LY9: variants seen among roughly 807,000 people sequenced by gnomAD.
The protein encoded by LY9 is lymphocyte antigen 9.
A neutral mutation model predicts 64.6 loss-of-function variants in LY9; 59 were observed. The ratio of observed to expected loss-of-function variants is 0.91; its 90% confidence interval spans 0.74 to 1.13. The LOEUF (loss-of-function observed/expected upper bound fraction) is 1.13, where lower values mean the gene tolerates loss of function less well. Among genes scored for constraint, LY9 ranks in the 50% most tolerant of loss-of-function variants. The pLI is 0.00. For synonymous variants in LY9, 281 were observed against 308.5 expected (o/e 0.91, Z 0.93); for missense variants, 789 against 797.2 (o/e 0.99, Z 0.12).
At chr1:160,800,569 TA>T (rs1666359360) in intron 2 of LY9, among the ~76,000 whole-genome samples, 1 of 152,044 alleles carries the variant, frequency 6.6e-6, no homozygotes, top group Non-Finnish European at 1.5e-5. Flanking sequence ...TAAATATATT[TA>T]GGGGGTACAA....
chr1:160,823,396 G>A (rs1668627289), intron 7 of LY9, 69 bp from the exon 8 acceptor site: 1 of 1,220,650 alleles, frequency 8.2e-7, no homozygotes, highest in Admixed American at 2.1e-5. Flanking sequence ...GCAGGCTGGG[G>A]CCTTGCAGCA....
intron 2 of LY9, chr1:160,802,387 T>C (rs946836972): frequency 1.5e-4 from 151 of 987,554 alleles, no homozygotes; most frequent in Non-Finnish European, 1.7e-4. Context: ...CAGGCCTGGC[T>C]CAGCCCACTG....
At chr1:160,796,397 TG>T (rs1378726629) in intron 1 of LY9, 86 bp downstream of exon 1, 4 of 1,483,888 alleles carry the variant, frequency 2.7e-6, no homozygotes, top group Non-Finnish European at 3.6e-6. Flanking sequence ...TTCTTTTTTT[TG>T]TTTTTTGTTT....
chr1:160,825,652 G>A (rs1288995931), intron 9 of LY9, among the ~76,000 whole-genome samples: 1 of 152,168 alleles, frequency 6.6e-6, no homozygotes, highest in Non-Finnish European at 1.5e-5. Flanking sequence ...GCTCATGCCT[G>A]TAATCCCAGC....
At chr1:160,827,185 C>T (rs1021131763) in intron 9 of LY9, among the ~76,000 whole-genome samples, 3 of 152,106 alleles carry the variant, frequency 2.0e-5, no homozygotes, top group African/African-American at 7.2e-5. Flanking sequence ...TCTGATATAC[C>T]TCTCTGTACA....
intron 2 of LY9, chr1:160,811,040 C>G (rs1227027080): frequency 2.0e-5 from 3 of 152,232 alleles, no homozygotes; most frequent in Non-Finnish European, 4.4e-5. Flanking sequence ...TCCTCTGGGC[C>G]CACTGGAGTA....
chr1:160,816,741 A>G lies in LY9; in HGVS notation c.1220A>G (p.Gln407Arg). The G allele has an allele frequency of 6.2e-7, 1 of 1,614,234 alleles. No homozygotes were observed. The highest frequency in any genetic ancestry group is 8.5e-7 in the Non-Finnish European group (1 of 1,180,038). The stretch of plus-strand genomic sequence containing the variant: ...CTGCAGAAGGAAGCTGTTGTGTCCC[A>G]AGGGGAATCACACCTCAATGTCTCA... ...TPLQKEAVVS[Q>R]GESHLNVSWR... The change falls in exon 5 of 10, where the codon CAA becomes CGA. Residue 407 changes from glutamine to arginine, a missense_variant. Coordinates refer to ENST00000263285, the MANE Select transcript of LY9 (RefSeq NM_002348.4).
At chr1:160,804,149 G>A (rs57711775) in intron 2 of LY9, among the ~76,000 whole-genome samples, 5,841 of 152,250 alleles carry the variant, frequency 0.038, 372 homozygotes, top group African/African-American at 0.13. Flanking sequence ...AGTGAAAGTG[G>A]GTATCCTTAT....
At chr1:160,799,571 G>A in intron 1 of LY9, 182 bp from the exon 2 acceptor site, 1 of 567,360 alleles carries the variant, frequency 1.8e-6, no homozygotes, top group Non-Finnish European at 3.1e-6. Context: ...GGGAGACAGT[G>A]TTTGGGGAAT....
At chr1:160,822,917 C>T (rs370132491) in intron 7 of LY9, among the ~76,000 whole-genome samples, 1 of 152,238 alleles carries the variant, frequency 6.6e-6, no homozygotes, top group East Asian at 1.9e-4. Flanking sequence ...CTGTTCCCTC[C>T]TCCACCTAGA....
rs1414720158 is a variant in LY9 at position 160,816,820 on chromosome 1, C to T, written c.1299C>T (p.Val433=). 1.2e-6 allele frequency: 2 copies of T among 1,614,236 alleles called. No individual in the cohort carries two copies. Among genetic ancestry groups the T allele is most frequent in the Non-Finnish European group, 1.7e-6 (2 of 1,180,044 alleles). Residue 433 remains valine, a synonymous_variant, in exon 5 of 10, where the codon GTC becomes GTT. Transcript: ENST00000263285. Reference sequence around the variant, plus strand: ...TCACATGCACAGCCAGCAACCCTGTCAGCAGGAGTTCCCACCAGTTTCTTT... The same window carrying T: ...TCACATGCACAGCCAGCAACCCTGTTAGCAGGAGTTCCCACCAGTTTCTTT... ...PNLTCTASNP[V]SRSSHQFLSE...
intron 2 of LY9, chr1:160,802,885 C>T (rs1666637593): frequency 6.3e-6 from 1 of 158,868 alleles, no homozygotes; most frequent in South Asian, 2.0e-4. Context: ...TAGCCATATA[C>T]AGTATACTGA....
chr1:160,806,884 C>A (rs574427008), intron 2 of LY9, among the ~76,000 whole-genome samples: 8 of 152,244 alleles, frequency 5.3e-5, no homozygotes, highest in African/African-American at 1.9e-4. Context: ...TTTATGAAGT[C>A]CCAAATGTAA....
Position 160,816,709 on chromosome 1 carries a change from G to C in LY9, c.1188G>C (p.Trp396Cys), listed in dbSNP as rs1557809983. Residue 396 changes from tryptophan to cysteine, a missense_variant, in exon 5 of 10, where the codon TGG (tryptophan) becomes TGC (cysteine). By Grantham distance (215) the Trp-to-Cys change is radical. Coordinates refer to ENST00000263285, the MANE Select transcript of LY9 (RefSeq NM_002348.4). ...EDGGNTVMYTWTPLQKEAVVS... is the reference protein window; with the variant it reads ...EDGGNTVMYTCTPLQKEAVVS... ...GGGGAAACACTGTCATGTACACATG[G>C]ACCCCGCTGCAGAAGGAAGCTGTTG... 3.7e-6 allele frequency: 6 copies of C among 1,614,194 alleles called. No individual in the cohort carries two copies. Among genetic ancestry groups the C allele is most frequent in the Non-Finnish European group, 5.1e-6 (6 of 1,180,044 alleles).
Position 160,823,527 on chromosome 1 carries a change from C to A in LY9, c.1561C>A (p.Pro521Thr). The change falls in exon 8 of 10, where the codon CCC becomes ACC. Residue 521 changes from proline (P) to threonine (T), a missense_variant. Coordinates refer to ENST00000263285, the MANE Select transcript of LY9 (RefSeq NM_002348.4). ...LSQGYEKLDT[P>T]LRPARQQPTP... ...CCAAGGATATGAGAAGCTGGACACTCCCCTCAGGCCTGCCAGGCAACAGCC... is the reference window on the plus strand; with the variant it reads ...CCAAGGATATGAGAAGCTGGACACTACCCTCAGGCCTGCCAGGCAACAGCC... The A allele has an allele frequency of 6.2e-7, 1 of 1,614,194 alleles. No homozygotes were observed. Among genetic ancestry groups the A allele is most frequent in the African/African-American group, 1.3e-5 (1 of 75,046 alleles).
chr1:160,821,584 T>C (rs1439173673), intron 7 of LY9, among the ~76,000 whole-genome samples: 2 of 152,234 alleles, frequency 1.3e-5, no homozygotes, highest in Admixed American at 1.3e-4. Context: ...TTTCCTCTCA[T>C]CACTTTGCCA....
chr1:160,822,418 T>C (rs1668540782), intron 7 of LY9, among the ~76,000 whole-genome samples: 1 of 152,104 alleles, frequency 6.6e-6, no homozygotes, highest in Non-Finnish European at 1.5e-5. Context: ...GATTTTCCAG[T>C]TTATTGGCAC....
intron 7 of LY9, 32 bp downstream of exon 7, chr1:160,819,406 A>C (rs537540): frequency 1 from 1,583,254 of 1,585,566 alleles, 790,505 homozygotes; most frequent in East Asian, 1. Context: ...GCTATGGGGT[A>C]TCTGGTCCAA....
intron 9 of LY9, chr1:160,824,541 G>C: frequency 2.0e-6 from 2 of 985,194 alleles, no homozygotes; most frequent in Non-Finnish European, 2.4e-6. Flanking sequence ...GGTCTTTATA[G>C]CTTTTTAAAT....
Sources: allele counts gnomAD v4.1 joint callset (sites outside exome capture counted in the v4.1 genomes callset), GRCh38; gene constraint gnomAD v4.1.1; transcripts MANE v1.5; gene names NCBI Gene and HGNC (gene_info 2026-07-23, HGNC 2026-07-21).